The following WWOX variants were observed in gnomAD, a reference collection of about 807,000 sequenced individuals.
WWOX encodes WW domain-containing oxidoreductase.
In WWOX, 69 loss-of-function variants were observed where a neutral mutation model predicts 46.2. That is an observed-to-expected ratio of 1.49 (90% CI 1.23 to 1.82). The LOEUF is 1.82. Ranked by LOEUF, WWOX falls within the 40% of genes most tolerant of loss-of-function variation. The probability of loss-of-function intolerance (pLI) is 0.00; values close to 1 mark genes in which losing one functional copy is unlikely to be tolerated. For missense variants in WWOX, 919 were observed against 542.6 expected, an observed-to-expected ratio of 1.69 and a Z score of -6.89; for synonymous variants, 359 against 202.6, an observed-to-expected ratio of 1.77 and a Z score of -6.56.
chr16:78,218,885 A>G (rs1262062002), intron 5 of WWOX, among the ~76,000 whole-genome samples: 1 of 152,266 alleles, frequency 6.6e-6, no homozygotes. Flanking sequence ...TTTGTTAAAG[A>G]TACAGATGTC....
chr16:79,187,354 A>G (rs1054413755), intron 8 of WWOX, among the ~76,000 whole-genome samples: 2 of 152,120 alleles, frequency 1.3e-5, no homozygotes, highest in African/African-American at 4.8e-5. Flanking sequence ...AATACCTCCT[A>G]TGCCCCTACG....
chr16:78,661,140 C>T (rs1186552466), intron 8 of WWOX, among the ~76,000 whole-genome samples: 2 of 152,130 alleles, frequency 1.3e-5, no homozygotes, highest in African/African-American at 4.8e-5. Flanking sequence ...ACCTTTGAAA[C>T]AATTAACTTC....
intron 8 of WWOX, among the ~76,000 whole-genome samples, chr16:78,504,968 G>A (rs2085157620): frequency 6.6e-6 from 1 of 152,188 alleles, no homozygotes; most frequent in South Asian, 2.1e-4. Context: ...ATAAATTGAT[G>A]TGTTTTTGTA....
intron 5 of WWOX, among the ~76,000 whole-genome samples, chr16:78,308,649 T>C (rs2080178091): frequency 6.6e-6 from 1 of 152,210 alleles, no homozygotes; most frequent in African/African-American, 2.4e-5. Context: ...TCCAGGTCTT[T>C]TCCTGATCCA....
At chr16:78,148,273 G>A (rs954929933) in intron 4 of WWOX, among the ~76,000 whole-genome samples, 9 of 152,144 alleles carry the variant, frequency 5.9e-5, no homozygotes, top group African/African-American at 1.9e-4. Context: ...AGAATTATAC[G>A]AAGTGAGACC....
chr16:78,791,006 C>T (rs1188605214), intron 8 of WWOX, among the ~76,000 whole-genome samples: 6 of 113,106 alleles, frequency 5.3e-5, no homozygotes, highest in Non-Finnish European at 6.7e-5. Context: ...GTGACAGATC[C>T]AGACCCTGTC....
At chr16:78,123,455 G>GTTTTGTTTTT (rs2033213534) in intron 4 of WWOX, 1 of 65,532 alleles carries the variant, frequency 1.5e-5, no homozygotes, top group African/African-American at 6.0e-5. Flanking sequence ...TTTTTTTTTT[G>GTTTTGTTTTT]TTTTTTTTTT....
At chr16:78,631,518 A>G (rs1186094031) in intron 8 of WWOX, among the ~76,000 whole-genome samples, 1 of 151,122 alleles carries the variant, frequency 6.6e-6, no homozygotes, top group Non-Finnish European at 1.5e-5. Context: ...TGTTCAACAG[A>G]TATTTTCAGT....
At chr16:78,146,675 T>G (rs1358660077) in intron 4 of WWOX, among the ~76,000 whole-genome samples, 2 of 152,228 alleles carry the variant, frequency 1.3e-5, no homozygotes, top group African/African-American at 4.8e-5. Flanking sequence ...AGTGTCTGAT[T>G]TTATTCAAGC....
At chr16:79,117,571 C>T (rs1478471035) in intron 8 of WWOX, among the ~76,000 whole-genome samples, 1 of 152,220 alleles carries the variant, frequency 6.6e-6, no homozygotes, top group African/African-American at 2.4e-5. Context: ...TGAAGCCAGG[C>T]ATTGCCTTCT....
intron 5 of WWOX, among the ~76,000 whole-genome samples, chr16:78,232,483 G>A (rs1377135137): frequency 6.6e-6 from 1 of 152,208 alleles, no homozygotes; most frequent in Admixed American, 6.5e-5. Flanking sequence ...ACCAGGGACT[G>A]TAGAGGTTTG....
intron 8 of WWOX, among the ~76,000 whole-genome samples, chr16:78,912,527 G>A (rs7500900): frequency 0.052 from 7,918 of 151,962 alleles, 432 homozygotes; most frequent in African/African-American, 0.13. Context: ...CAGCTCCTCC[G>A]CTCTTCCCTG....
chr16:78,932,557 C>G (rs1395120934), intron 8 of WWOX, among the ~76,000 whole-genome samples: 4 of 152,358 alleles, frequency 2.6e-5, no homozygotes, highest in African/African-American at 4.8e-5. Context: ...AAGGAAAATG[C>G]TGTCCTCGAA....
chr16:78,471,686 G>C (rs1299016107), intron 8 of WWOX, among the ~76,000 whole-genome samples: 1 of 152,070 alleles, frequency 6.6e-6, no homozygotes, highest in African/African-American at 2.4e-5. Flanking sequence ...CTTTATTTGG[G>C]CCACATTGGT....
At chr16:79,191,346 GC>G (rs1256808033) in intron 8 of WWOX, among the ~76,000 whole-genome samples, 1 of 151,904 alleles carries the variant, frequency 6.6e-6, no homozygotes, top group African/African-American at 2.4e-5. Flanking sequence ...GTGAGCCAGC[GC>G]GCCCAGCCCA....
chr16:78,700,265 C>G (rs546122677), intron 8 of WWOX, among the ~76,000 whole-genome samples: 12 of 147,758 alleles, frequency 8.1e-5, no homozygotes, highest in African/African-American at 3.0e-4. Flanking sequence ...GTGCTCTTTT[C>G]TGCATTTGTG....
chr16:79,019,187 A>AAAAAAAAAAAAAAAAG (rs2047480551), intron 8 of WWOX, among the ~76,000 whole-genome samples: 1 of 81,852 alleles, frequency 1.2e-5, no homozygotes, highest in African/African-American at 5.1e-5. Context: ...AAAAAAAAAG[A>AAAAAAAAAAAAAAAAG]AAAAAAAAAG....
chr16:78,520,509 G>A lies in WWOX; in HGVS notation c.1056+87757G>A, dbSNP rs532314560. Among the ~76,000 whole-genome samples the A allele has an allele frequency of 8.5e-5, 13 of 152,224 alleles. No individual in the cohort carries two copies. The South Asian group carries it at 2.7e-3, about 32-fold the overall frequency. ...CTAGCCTGCTTTTACTAATGGTTCT[G>A]TGGAAGAAACACAGCTTGAATAAAT... On this transcript the variant is annotated intron_variant, in intron 8 of 8. Coordinates refer to ENST00000566780, the MANE Select transcript of WWOX (RefSeq NM_016373.4).
rs150672775 is a variant in WWOX, at chr16:78,190,489, G to T, written c.516+26200G>T. On this transcript the variant is annotated intron_variant, in intron 5 of 8. Coordinates refer to ENST00000566780, the MANE Select transcript of WWOX (RefSeq NM_016373.4). ...ACCTAGTGACTCTCTGGTCTCCAAA[G>T]GCTATGCCTGCTGGGTACTGAGTGT... is the stretch of plus-strand genomic sequence containing the variant. 4.8e-3 allele frequency among the ~76,000 whole-genome samples: 727 copies of T among 152,304 alleles called. 4 individuals are homozygous for T. Among genetic ancestry groups the T allele is most frequent in the African/African-American group, 0.016 (676 of 41,572 alleles).
Sources: allele counts gnomAD v4.1 joint callset (sites outside exome capture counted in the v4.1 genomes callset), GRCh38; gene constraint gnomAD v4.1.1; transcripts MANE v1.5; gene names NCBI Gene and HGNC (gene_info 2026-07-23, HGNC 2026-07-21).